CFAP53: variants seen among roughly 807,000 people sequenced by gnomAD.
CFAP53 encodes cilia- and flagella-associated protein 53.
CFAP53 carries 62 observed loss-of-function variants against 59.7 expected under a neutral mutation model. The ratio of observed to expected loss-of-function variants is 1.04; its 90% CI spans 0.85 to 1.28. The LOEUF is 1.28. Ranked by LOEUF, CFAP53 falls within the 50% of genes most tolerant of loss-of-function variation. The pLI is 0.00. For missense variants in CFAP53, 629 were observed against 615.6 expected (o/e 1.02, Z -0.23); for synonymous variants, 218 against 205.7 (o/e 1.06, Z -0.51).
intron 7 of CFAP53, among the ~76,000 whole-genome samples, chr18:50,232,363 A>G (rs571876393): frequency 6.6e-6 from 1 of 152,384 alleles, no homozygotes; most frequent in Admixed American, 6.5e-5. Flanking sequence ...AACTGACAGC[A>G]GAATAAGGAG....
chr18:50,230,474 C>T (rs2033571381), intron 7 of CFAP53, among the ~76,000 whole-genome samples: 1 of 152,216 alleles, frequency 6.6e-6, no homozygotes, highest in African/African-American at 2.4e-5. Flanking sequence ...ACGGAAGCCC[C>T]TATGCATCTC....
chr18:50,237,304 CA>C (rs143356494), intron 7 of CFAP53, among the ~76,000 whole-genome samples: 52 of 9,340 alleles, frequency 5.6e-3, no homozygotes, highest in African/African-American at 0.011. Context: ...GACTCCATCT[CA>C]AAAAAAAAAA....
chr18:50,228,512 T>A (rs1168317696), intron 7 of CFAP53, among the ~76,000 whole-genome samples: 1 of 152,102 alleles, frequency 6.6e-6, no homozygotes, highest in Non-Finnish European at 1.5e-5. Context: ...CACATTATGA[T>A]GGGCATGGTG....
intron 7 of CFAP53, 26 bp from the exon 8 acceptor site, chr18:50,227,635 TA>T (rs764888446): frequency 1.3e-6 from 2 of 1,504,138 alleles, no homozygotes; most frequent in East Asian, 4.5e-5. Context: ...TGTCAAAGCA[TA>T]AAATTATAAA....
chr18:50,248,635 A>C (rs1370413479), intron 5 of CFAP53, among the ~76,000 whole-genome samples: 1 of 150,994 alleles, frequency 6.6e-6, no homozygotes, highest in Non-Finnish European at 1.5e-5. Flanking sequence ...AATAGAAAAA[A>C]TTAGCCAGGC....
chr18:50,249,203 C>CAAAAAAAAAAAAAA (rs34676585), intron 5 of CFAP53, among the ~76,000 whole-genome samples: 1 of 105,136 alleles, frequency 9.5e-6, no homozygotes, highest in African/African-American at 3.8e-5. Context: ...AATTCTATCT[C>CAAAAAAAAAAAAAA]AAAAAAAAAA....
chr18:50,265,048 G>T (rs779462663), intron 1 of CFAP53, among the ~76,000 whole-genome samples: 7 of 152,172 alleles, frequency 4.6e-5, no homozygotes, highest in African/African-American at 7.2e-5. Context: ...CTGTATCACT[G>T]ATCTTTCATC....
chr18:50,231,857 A>G (rs193159533), intron 7 of CFAP53, among the ~76,000 whole-genome samples: 250 of 152,320 alleles, frequency 1.6e-3, no homozygotes, highest in African/African-American at 5.5e-3. Context: ...TCAGCCAGCC[A>G]TTCTGTCCCA....
chr18:50,261,377 G>A, intron 2 of CFAP53, 140 bp from the exon 3 acceptor site: 1 of 1,027,840 alleles, frequency 9.7e-7, no homozygotes, highest in Non-Finnish European at 1.3e-6. Context: ...AAGACTGGTT[G>A]GTTTGTTTTT....
intron 3 of CFAP53, among the ~76,000 whole-genome samples, chr18:50,259,615 G>A (rs776729489): frequency 1.3e-5 from 2 of 152,006 alleles, no homozygotes; most frequent in Non-Finnish European, 2.9e-5. Flanking sequence ...TGTATTTTTA[G>A]TAGAGTTGGG....
At chr18:50,255,346 G>A (rs2033837462) in intron 3 of CFAP53, among the ~76,000 whole-genome samples, 1 of 152,120 alleles carries the variant, frequency 6.6e-6, no homozygotes, top group African/African-American at 2.4e-5. Context: ...TTGCAGTGAT[G>A]GAATAGTTCT....
chr18:50,243,036 T>C lies in CFAP53; in HGVS notation c.1077A>G (p.Glu359=). 2 of 1,614,004 alleles carry C rather than the reference T, an allele frequency of 1.2e-6. No individual in the cohort carries two copies. The highest frequency in any genetic ancestry group is 1.7e-6 in the Non-Finnish European group (2 of 1,179,984). Reference sequence around the variant, plus strand: ...TGTCTTCCTCTAATATTCTGTCAAATTCTTTCTCCTGAGCTTTTTCTTCCT... The same window carrying C: ...TGTCTTCCTCTAATATTCTGTCAAACTCTTTCTCCTGAGCTTTTTCTTCCT... ...RREEEKAQEK[E]FDRILEEDKA... The change falls in exon 6 of 8, where the codon GAA becomes GAG. Residue 359 remains glutamate (E), a synonymous_variant. Coordinates refer to ENST00000398545, the MANE Select transcript of CFAP53 (RefSeq NM_145020.5).
chr18:50,252,140 G>A (rs370287250), intron 3 of CFAP53, among the ~76,000 whole-genome samples: 77 of 151,348 alleles, frequency 5.1e-4, no homozygotes, highest in African/African-American at 1.8e-3. Context: ...GTCTCGCTCT[G>A]TTGCCCAGGC....
chr18:50,235,741 T>C (rs1223911177), intron 7 of CFAP53, among the ~76,000 whole-genome samples: 19 of 152,122 alleles, frequency 1.2e-4, no homozygotes. Flanking sequence ...AACAGGACAA[T>C]ATTTTAGGCT....
intron 7 of CFAP53, among the ~76,000 whole-genome samples, chr18:50,235,655 A>G (rs2033626630): frequency 1.3e-5 from 2 of 152,328 alleles, no homozygotes; most frequent in Admixed American, 1.3e-4. Flanking sequence ...TCTAGAATAC[A>G]ACAATTTCAA....
At chr18:50,262,251 A>C in intron 1 of CFAP53, 32 bp from the exon 2 acceptor site, 1 of 1,549,464 alleles carries the variant, frequency 6.5e-7, no homozygotes, top group African/African-American at 1.4e-5. Flanking sequence ...CACTTATAAT[A>C]AGCCAAAGAA....
chr18:50,250,694 C>G, intron 5 of CFAP53, 64 bp downstream of exon 5: 9 of 1,323,784 alleles, frequency 6.8e-6, no homozygotes, highest in Non-Finnish European at 9.8e-6. Context: ...CCATCTTCCA[C>G]AAGACTGAGA....
chr18:50,231,399 TC>T (rs557532549), intron 7 of CFAP53, among the ~76,000 whole-genome samples: 325 of 152,290 alleles, frequency 2.1e-3, no homozygotes, highest in African/African-American at 7.7e-3. Context: ...GGAAACTCTC[TC>T]CTTATGAGGA....
Position 50,251,490 on chromosome 18 carries a change from T to C in CFAP53, c.768A>G (p.Ala256=), listed in dbSNP as rs768965353. ...QATQLLKEEE[A]RLVESNNAQI... ...CATTTTAAAGGCCCACCACAAGGCG[T>C]GCCTCCTCTTCCTTCAGCAGCTGTG... Residue 256 remains alanine, a synonymous_variant, in exon 4 of 8, where the codon GCA becomes GCG. Transcript: ENST00000398545. 6.2e-7 allele frequency: 1 copy of C among 1,612,862 alleles called. No homozygotes were observed.
Sources: gnomAD v4.1 joint callset for allele counts (sites outside exome capture counted in the v4.1 genomes callset) on GRCh38, gnomAD v4.1.1 for gene constraint, MANE v1.5 for transcripts, NCBI Gene and HGNC (gene_info 2026-07-23, HGNC 2026-07-21) for gene names.